The following GGNBP2 variants were observed in gnomAD, a reference collection of about 807,000 sequenced individuals.
The protein encoded by GGNBP2 is gametogenetin-binding protein 2.
A neutral mutation model predicts 85.9 loss-of-function variants in GGNBP2; 10 were observed. The observed-to-expected ratio is 0.12, with a 90% CI of 0.07 to 0.20. GGNBP2 has a LOEUF of 0.20. Ranked by LOEUF, GGNBP2 falls within the 10% of genes least tolerant of loss-of-function variation. The pLI is 1.00. For missense variants in GGNBP2, 595 were observed against 857.8 expected, an observed-to-expected ratio of 0.69 and a Z score of 3.83; for synonymous variants, 287 against 285.7, an observed-to-expected ratio of 1.00 and a Z score of -0.05.
chr17:36,555,859 T>C (rs534628282), intron 3 of GGNBP2, among the ~76,000 whole-genome samples: 1 of 152,348 alleles, frequency 6.6e-6, no homozygotes. Context: ...AGTCTGTACA[T>C]GTTTAGTATT....
At chr17:36,572,655 C>A (rs565420424) in intron 6 of GGNBP2, among the ~76,000 whole-genome samples, 1 of 152,220 alleles carries the variant, frequency 6.6e-6, no homozygotes, top group South Asian at 2.1e-4. Flanking sequence ...GAGTATGCCA[C>A]TGCACTCCAG....
chr17:36,563,133 G>A (rs930708215), intron 5 of GGNBP2, among the ~76,000 whole-genome samples: 1 of 151,950 alleles, frequency 6.6e-6, no homozygotes, highest in African/African-American at 2.4e-5. Flanking sequence ...AGGCGTGGTG[G>A]CAGGTGCTTG....
chr17:36,582,593 T>C (rs1440011690), intron 9 of GGNBP2: 3 of 152,238 alleles, frequency 2.0e-5, no homozygotes, highest in Admixed American at 6.5e-5. Flanking sequence ...ATTTTTACTA[T>C]GCTTTTCCAG....
chr17:36,573,788 G>A (rs958119559), intron 6 of GGNBP2, among the ~76,000 whole-genome samples: 1 of 152,020 alleles, frequency 6.6e-6, no homozygotes, highest in African/African-American at 2.4e-5. Flanking sequence ...GTGATGTTGA[G>A]CATCTTTTCA....
At chr17:36,583,688 C>A (rs1820150523) in intron 9 of GGNBP2, among the ~76,000 whole-genome samples, 1 of 152,062 alleles carries the variant, frequency 6.6e-6, no homozygotes, top group South Asian at 2.1e-4. Flanking sequence ...GTCTCGAACT[C>A]CTGAGCTTAG....
intron 2 of GGNBP2, among the ~76,000 whole-genome samples, chr17:36,548,481 G>A (rs138196492): frequency 6.6e-6 from 1 of 151,434 alleles, no homozygotes; most frequent in Admixed American, 6.6e-5. Context: ...CAGACATAGT[G>A]GTGGGTGCCT....
At chr17:36,561,845 G>A (rs1460839924) in intron 5 of GGNBP2, among the ~76,000 whole-genome samples, 2 of 152,008 alleles carry the variant, frequency 1.3e-5, no homozygotes, top group Admixed American at 6.5e-5. Flanking sequence ...GGATGGTCTC[G>A]ATCTCCTGAC....
intron 7 of GGNBP2, chr17:36,578,954 G>T (rs916056611): frequency 2.8e-5 from 8 of 289,226 alleles, no homozygotes; most frequent in Non-Finnish European, 5.2e-5. Flanking sequence ...TGTCTACTAT[G>T]AGCTGGACAC....
At chr17:36,547,466 CAA>C (rs955683501) in intron 2 of GGNBP2, 4 of 152,132 alleles carry the variant, frequency 2.6e-5, no homozygotes, top group African/African-American at 9.7e-5. Flanking sequence ...AAATAGTCTT[CAA>C]AAGACACTAG....
In GGNBP2 at chr17:36,545,700, G is replaced by A; in HGVS notation, c.-25G>A. 1.3e-6 allele frequency: 2 copies of A among 1,542,258 alleles called. No individual in the cohort carries two copies. The highest frequency in any genetic ancestry group is 1.4e-5 in the African/African-American group (1 of 72,978). ...GCGGCAGCTGGGAGGAGGTGGTGAC[G>A]GTGGCAACGGCAGCGTCGGGGACGA... On this transcript the variant is annotated 5_prime_UTR_variant, in exon 2 of 14. Coordinates refer to ENST00000613102, the MANE Select transcript of GGNBP2 (RefSeq NM_024835.5).
chr17:36,585,355 G>T lies in GGNBP2; in HGVS notation c.1271G>T (p.Gly424Val), dbSNP rs1599551817. 6.2e-7 allele frequency: 1 copy of T among 1,612,728 alleles called. No individual in the cohort carries two copies. Among genetic ancestry groups the T allele is most frequent in the Non-Finnish European group, 8.5e-7 (1 of 1,179,034 alleles). Residue 424 changes from glycine to valine, a missense_variant, in exon 10 of 14, where the codon GGT becomes GTT. Coordinates refer to ENST00000613102, the MANE Select transcript of GGNBP2 (RefSeq NM_024835.5). ...AAAGCCTGTGGCAGCACTGAAGATG[G>T]TAATACTTGTGTAGAAGTAATTGTT... The part of the protein sequence containing the change: ...SCKACGSTED[G>V]NTCVEVIVTN...
chr17:36,564,272 T>C (rs754512511), intron 5 of GGNBP2, among the ~76,000 whole-genome samples: 10 of 152,216 alleles, frequency 6.6e-5, no homozygotes, highest in Non-Finnish European at 1.3e-4. Context: ...TCTTTGTTGA[T>C]GAACTGAGAA....
chr17:36,568,370 C>G (rs2074489094), intron 6 of GGNBP2, among the ~76,000 whole-genome samples: 1 of 152,038 alleles, frequency 6.6e-6, no homozygotes, highest in African/African-American at 2.4e-5. Context: ...GACCTCGGAT[C>G]ACTGTTCCCT....
intron 5 of GGNBP2, among the ~76,000 whole-genome samples, chr17:36,562,821 C>G (rs1340197967): frequency 2.6e-5 from 4 of 151,334 alleles, no homozygotes; most frequent in African/African-American, 9.7e-5. Flanking sequence ...AAAAATTAGC[C>G]AGGCATGGTG....
In GGNBP2 at chr17:36,557,369, G is replaced by C. The variant is rs376874535; in HGVS notation, c.428+33G>C. The C allele has an allele frequency of 1.1e-5, 18 of 1,575,646 alleles. No individual in the cohort carries two copies. The African/African-American group carries it at 1.5e-4, about 13-fold the overall frequency. On this transcript the variant is annotated intron_variant, in intron 4 of 13. Transcript: ENST00000613102. ...TAATCAATTAGGAGAAAATGGGTTT[G>C]TTAAAATTTAAAACAGCTTGGTGAC...
chr17:36,581,116 C>G (rs2074645155), intron 8 of GGNBP2, among the ~76,000 whole-genome samples: 1 of 151,768 alleles, frequency 6.6e-6, no homozygotes, highest in South Asian at 2.1e-4. Flanking sequence ...AACCCCGTCT[C>G]TACTAAAAAA....
chr17:36,560,235 G>C (rs181761382), intron 4 of GGNBP2, among the ~76,000 whole-genome samples: 6 of 152,264 alleles, frequency 3.9e-5, no homozygotes, highest in African/African-American at 1.4e-4. Flanking sequence ...TGGGATTATA[G>C]GCATGAGCTA....
In GGNBP2 at chr17:36,557,315, A is replaced by G; in HGVS notation, c.407A>G (p.Tyr136Cys). The G allele has an allele frequency of 1.2e-6, 2 of 1,613,584 alleles. No individual in the cohort carries two copies. Among genetic ancestry groups the G allele is most frequent in the Non-Finnish European group, 1.7e-6 (2 of 1,179,474 alleles). Residue 136 changes from tyrosine to cysteine, a missense_variant, in exon 4 of 14, where the codon TAT becomes TGT. Physicochemically the swap from Tyr to Cys is radical, Grantham distance 194. Transcript: ENST00000613102. ...RSCMTDAKKLYTLFYVHGSKL... is the reference protein window; with the variant it reads ...RSCMTDAKKLCTLFYVHGSKL... The stretch of plus-strand genomic sequence containing the variant: ...TGCATGACTGATGCAAAGAAGCTTT[A>G]TACATTATTTTATGTACATGGGTAA...
In GGNBP2 at chr17:36,559,296, CAAAAAAAAAAAAAAAA is replaced by C. The variant is rs892895973; in HGVS notation, c.429-1467_429-1452del. Among the ~76,000 whole-genome samples, 13 of 31,482 alleles carry C rather than the reference CAAAAAAAAAAAAAAAA, an allele frequency of 4.1e-4. 1 individual carries two copies. In the South Asian group the frequency reaches 0.016, roughly 39 times the overall value. The allele number at this position is 31,482 out of a possible 152,430, so 20.7% of individuals were successfully genotyped here. ...TGGGCAACAGAGCGAGACTCTGTCT[CAAAAAAAAAAAAAAAA>C]AAAAAAAAAGAATGGGCAAATGGTT... On this transcript the variant is annotated intron_variant, in intron 4 of 13. Transcript: ENST00000613102.
Sources: gnomAD v4.1 joint callset for allele counts (sites outside exome capture counted in the v4.1 genomes callset) on GRCh38, gnomAD v4.1.1 for gene constraint, MANE v1.5 for transcripts, NCBI Gene and HGNC (gene_info 2026-07-23, HGNC 2026-07-21) for gene names.